GRM7: variants seen among roughly 807,000 people sequenced by gnomAD.
GRM7 encodes the protein glutamate metabotropic receptor 7.
In GRM7, 35 loss-of-function variants were observed where a neutral mutation model predicts 84.5. That is an observed-to-expected ratio of 0.41 (90% CI 0.32 to 0.55). The LOEUF is 0.55. GRM7 is among the 20% of genes least tolerant of loss of function. GRM7 has a pLI of 0.19. For missense variants in GRM7, 1,003 were observed against 1,194.6 expected (o/e 0.84, Z 2.36); for synonymous variants, 487 against 455.1 (o/e 1.07, Z -0.89).
chr3:7,682,225 C>G lies in GRM7; in HGVS notation c.2698+1930C>G, dbSNP rs1013251866. On this transcript the variant is annotated intron_variant, in intron 9 of 9. Transcript: ENST00000357716. ...TTGCGCGTGCCTGTAATCCCAGCTA[C>G]TTGGGAGGCTGAGGCAGGAGAATCG... 6.6e-5 allele frequency: 10 copies of G among 150,762 alleles called. No homozygotes were observed. In the Admixed American group the frequency reaches 6.7e-4, roughly 10 times the overall value. The allele number at this position is 150,762 out of a possible 1,614,324, so 9.3% of individuals were successfully genotyped here. A position where few individuals can be genotyped will look rare whatever the true frequency, so the allele number is the denominator to read the frequency against.
intron 1 of GRM7, among the ~76,000 whole-genome samples, chr3:7,016,043 G>A (rs980227896): frequency 6.6e-6 from 1 of 152,178 alleles, no homozygotes; most frequent in Non-Finnish European, 1.5e-5. Flanking sequence ...AAAGACTACA[G>A]TAAAGAATTG....
At chr3:7,616,921 A>G (rs1697108611) in intron 8 of GRM7, among the ~76,000 whole-genome samples, 1 of 152,198 alleles carries the variant, frequency 6.6e-6, no homozygotes. Context: ...TGTAATTCTG[A>G]TAAGAATTGT....
intron 9 of GRM7, among the ~76,000 whole-genome samples, chr3:7,732,573 A>G (rs1448748048): frequency 6.6e-6 from 1 of 152,178 alleles, no homozygotes; most frequent in Non-Finnish European, 1.5e-5. Flanking sequence ...AGAGGGAAAA[A>G]CTAGTGTGAG....
intron 7 of GRM7, among the ~76,000 whole-genome samples, chr3:7,472,584 C>G (rs921991997): frequency 2.6e-5 from 4 of 152,148 alleles, no homozygotes; most frequent in African/African-American, 9.7e-5. Flanking sequence ...GGACTGTTGA[C>G]TCCAGCTGTT....
chr3:7,733,539 G>A (rs551356918), intron 9 of GRM7, among the ~76,000 whole-genome samples: 1 of 152,214 alleles, frequency 6.6e-6, no homozygotes, highest in South Asian at 2.1e-4. Context: ...AGATTTTCCG[G>A]GGACCCTTCC....
At chr3:7,646,694 G>T (rs9873311) in intron 8 of GRM7, among the ~76,000 whole-genome samples, 40,931 of 151,988 alleles carry the variant, frequency 0.27, 6,312 homozygotes, top group Non-Finnish European at 0.35. Context: ...GGTGATTTTG[G>T]GGGGGAAGGT....
chr3:7,364,915 T>C (rs1261283658), intron 4 of GRM7, among the ~76,000 whole-genome samples: 1 of 151,920 alleles, frequency 6.6e-6, no homozygotes, highest in Non-Finnish European at 1.5e-5. Context: ...TGCATCCTAC[T>C]CACTTACCTG....
At chr3:6,890,052 T>C (rs1414013671) in intron 1 of GRM7, among the ~76,000 whole-genome samples, 1 of 152,190 alleles carries the variant, frequency 6.6e-6, no homozygotes, top group African/African-American at 2.4e-5. Flanking sequence ...GATGGTAGTT[T>C]GTATTTCTGT....
At position 7,594,823 on chromosome 3, in the gene GRM7, G is replaced by A. The variant is rs114799408; in HGVS notation, c.2451+15466G>A. Among the ~76,000 whole-genome samples, 610 of 152,198 alleles carry A rather than the reference G, an allele frequency of 4.0e-3. 5 individuals carry two copies. Among genetic ancestry groups the A allele is most frequent in the African/African-American group, 0.014 (589 of 41,518 alleles). ...CACAGAGAGCAAGGAGAGATATATG[G>A]CCTAGGAGAAGCCAGCAGATGGTGA... On this transcript the variant is annotated intron_variant, in intron 8 of 9. Coordinates refer to ENST00000357716, the MANE Select transcript of GRM7 (RefSeq NM_000844.4).
At chr3:6,935,661 C>G (rs1277402828) in intron 1 of GRM7, among the ~76,000 whole-genome samples, 1 of 142,882 alleles carries the variant, frequency 7.0e-6, no homozygotes, top group Non-Finnish European at 1.5e-5. Context: ...GCTTTGATTT[C>G]TGTTTCTTAT....
intron 7 of GRM7, among the ~76,000 whole-genome samples, chr3:7,550,243 C>T (rs1646015913): frequency 6.6e-6 from 1 of 151,506 alleles, no homozygotes; most frequent in Non-Finnish European, 1.5e-5. Flanking sequence ...TTTCTAGCCA[C>T]TTTCTCTCCT....
intron 9 of GRM7, among the ~76,000 whole-genome samples, chr3:7,718,617 A>C (rs1328633979): frequency 6.6e-6 from 1 of 152,194 alleles, no homozygotes; most frequent in Non-Finnish European, 1.5e-5. Flanking sequence ...AATCAGACAT[A>C]AAAATAGAAA....
chr3:7,090,704 C>T (rs1180031195), intron 1 of GRM7, among the ~76,000 whole-genome samples: 3 of 152,080 alleles, frequency 2.0e-5, no homozygotes, highest in African/African-American at 7.2e-5. Flanking sequence ...CTGTTTCTGC[C>T]ATTGGTTATA....
rs3063449 is a variant in GRM7 at position 6,998,119 on chromosome 3, C to CAA, written c.519+136231_519+136232dup. Among the ~76,000 whole-genome samples, 29 of 18,434 alleles carry CAA rather than the reference C, an allele frequency of 1.6e-3. 10 individuals carry two copies. Among genetic ancestry groups the CAA allele is most frequent in the East Asian group, 8.8e-3 (4 of 456 alleles). The allele number at this position is 18,434 out of a possible 152,430, so 12.1% of individuals were successfully genotyped here. ...GGGCAAAAACAGCAAATCTCCATCT[C>CAA]AAAAAAAAAAAAAAAAAAAAGCAGG... On this transcript the variant is annotated intron_variant, in intron 1 of 9. Coordinates refer to ENST00000357716, the MANE Select transcript of GRM7 (RefSeq NM_000844.4).
intron 4 of GRM7, among the ~76,000 whole-genome samples, chr3:7,330,335 C>T (rs75138586): frequency 0.19 from 28,717 of 151,974 alleles, 3,006 homozygotes; most frequent in East Asian, 0.38. Context: ...GGAAGAAAAC[C>T]CATTTCTGTG....
chr3:7,473,502 GA>G (rs1417182410), intron 7 of GRM7, among the ~76,000 whole-genome samples: 70 of 149,752 alleles, frequency 4.7e-4, no homozygotes, highest in African/African-American at 1.7e-3. Flanking sequence ...GAGAGAGAGA[GA>G]GAGAGAGAGA....
chr3:6,957,134 GACCCTGGT>G (rs1693088889), intron 1 of GRM7, among the ~76,000 whole-genome samples: 1 of 152,046 alleles, frequency 6.6e-6, no homozygotes, highest in Non-Finnish European at 1.5e-5. Context: ...ATTGCCTTTG[GACCCTGGT>G]GTCGTTTTGG....
At chr3:7,208,370 C>G (rs966928139) in intron 2 of GRM7, among the ~76,000 whole-genome samples, 1 of 152,130 alleles carries the variant, frequency 6.6e-6, no homozygotes, top group Non-Finnish European at 1.5e-5. Context: ...TGGTCTGGAG[C>G]TACAGTTCTC....
chr3:7,400,481 T>C (rs773184712), intron 4 of GRM7, among the ~76,000 whole-genome samples: 32 of 152,112 alleles, frequency 2.1e-4, no homozygotes, highest in Non-Finnish European at 2.5e-4. Context: ...TCTATAAAGA[T>C]GTTCTGTACA....
Sources: gnomAD v4.1 joint callset for allele counts (sites outside exome capture counted in the v4.1 genomes callset) on GRCh38, gnomAD v4.1.1 for gene constraint, MANE v1.5 for transcripts, NCBI Gene and HGNC (gene_info 2026-07-23, HGNC 2026-07-21) for gene names.